The following CACNA2D3 variants were observed in gnomAD, a reference collection of about 807,000 sequenced individuals.
CACNA2D3 encodes calcium voltage-gated channel auxiliary subunit alpha2delta 3.
CACNA2D3 carries 60 observed loss-of-function variants against 160.6 expected under a neutral mutation model. The observed-to-expected ratio is 0.37, with a 90% CI of 0.30 to 0.46. CACNA2D3 has a LOEUF of 0.46. Ranked by LOEUF, CACNA2D3 falls within the 20% of genes least tolerant of loss-of-function variation. CACNA2D3 has a pLI of 1.00. For synonymous variants in CACNA2D3, 558 were observed against 492.9 expected, an observed-to-expected ratio of 1.13 and a Z score of -1.75; for missense variants, 1,205 against 1,365.0, an observed-to-expected ratio of 0.88 and a Z score of 1.85.
chr3:54,800,347 C>T (rs912471139), intron 13 of CACNA2D3, among the ~76,000 whole-genome samples: 2 of 152,246 alleles, frequency 1.3e-5, no homozygotes, highest in African/African-American at 4.8e-5. Context: ...AAATTTCCAT[C>T]TGGTTCTACC....
intron 9 of CACNA2D3, among the ~76,000 whole-genome samples, chr3:54,612,670 T>C (rs1698767501): frequency 6.6e-6 from 1 of 152,220 alleles, no homozygotes; most frequent in South Asian, 2.1e-4. Context: ...ATCTACTGCC[T>C]ACCAGGTCAA....
intron 35 of CACNA2D3, among the ~76,000 whole-genome samples, chr3:55,028,825 C>G (rs358055): frequency 6.6e-6 from 1 of 151,982 alleles, no homozygotes; most frequent in Non-Finnish European, 1.5e-5. Context: ...ATATTGCCGT[C>G]GGTTTCACTT....
chr3:54,129,260 G>T (rs1699659079), intron 2 of CACNA2D3, among the ~76,000 whole-genome samples: 1 of 152,178 alleles, frequency 6.6e-6, no homozygotes, highest in African/African-American at 2.4e-5. Context: ...TGTGTTTTAG[G>T]GGATTTCTGT....
intron 11 of CACNA2D3, among the ~76,000 whole-genome samples, chr3:54,713,668 A>C (rs1242829377): frequency 1.3e-5 from 2 of 152,224 alleles, no homozygotes; most frequent in East Asian, 3.9e-4. Flanking sequence ...AGTGCTTGGC[A>C]CAAGGAGGGC....
chr3:54,663,377 G>A (rs1007744892), intron 11 of CACNA2D3, among the ~76,000 whole-genome samples: 3 of 152,180 alleles, frequency 2.0e-5, no homozygotes, highest in Admixed American at 1.3e-4. Flanking sequence ...AGTGTGAGCC[G>A]AGGTGTCCAC....
intron 9 of CACNA2D3, among the ~76,000 whole-genome samples, chr3:54,602,624 G>T (rs1575374619): frequency 6.6e-6 from 1 of 151,888 alleles, no homozygotes; most frequent in Middle Eastern, 3.4e-3. Flanking sequence ...CACCCATGAA[G>T]CTAACCCTGG....
At chr3:54,921,841 A>G (rs922614641) in intron 27 of CACNA2D3, among the ~76,000 whole-genome samples, 12 of 152,324 alleles carry the variant, frequency 7.9e-5, no homozygotes, top group Admixed American at 7.2e-4. Context: ...ATATATAACT[A>G]AAGTCTGGGC....
intron 4 of CACNA2D3, among the ~76,000 whole-genome samples, chr3:54,433,743 A>G (rs552230606): frequency 6.6e-5 from 10 of 152,306 alleles, no homozygotes; most frequent in Admixed American, 6.5e-4. Context: ...AGAGTGCTCC[A>G]GAAGCCTGCC....
At chr3:54,603,043 C>T (rs1703093059) in intron 9 of CACNA2D3, among the ~76,000 whole-genome samples, 1 of 152,208 alleles carries the variant, frequency 6.6e-6, no homozygotes, top group South Asian at 2.1e-4. Flanking sequence ...TGGTCCCTCT[C>T]TGTTCGGTGT....
rs34139668 is a variant in CACNA2D3 at position 54,893,285 on chromosome 3, CTT to C, written c.2246+1845_2246+1846del. Among the ~76,000 whole-genome samples, 13 of 146,536 alleles carry C rather than the reference CTT, an allele frequency of 8.9e-5. No individual in the cohort carries two copies. The East Asian group carries it at 1.8e-3, about 20-fold the overall frequency. ...AGTGAGACTCTGTCTCAAAAAAACTCTTTTTTTTTTTATGGATGGAAAATTTC... is the reference window on the plus strand; with the variant it reads ...AGTGAGACTCTGTCTCAAAAAAACTCTTTTTTTTTATGGATGGAAAATTTC... On this transcript the variant is annotated intron_variant, in intron 25 of 37. Coordinates refer to ENST00000474759, the MANE Select transcript of CACNA2D3 (RefSeq NM_018398.3).
At chr3:54,938,072 C>A (rs1701374494) in intron 27 of CACNA2D3, among the ~76,000 whole-genome samples, 1 of 152,206 alleles carries the variant, frequency 6.6e-6, no homozygotes, top group Non-Finnish European at 1.5e-5. Context: ...TTTCTCAGAT[C>A]CTGAGCTTTG....
intron 2 of CACNA2D3, among the ~76,000 whole-genome samples, chr3:54,233,379 G>C (rs1701814958): frequency 6.6e-6 from 1 of 152,224 alleles, no homozygotes; most frequent in African/African-American, 2.4e-5. Flanking sequence ...AGGGTTACCA[G>C]TTAGGCAAGG....
intron 27 of CACNA2D3, among the ~76,000 whole-genome samples, chr3:54,959,828 ACAATTTGATGCTAGCTCCGG>A (rs1268663845): frequency 1.3e-5 from 2 of 152,190 alleles, no homozygotes; most frequent in East Asian, 3.9e-4. Context: ...TCTGACAAAA[ACAATTTGATGCTAGCTCCGG>A]CAGCCTGGGA....
At chr3:54,299,607 C>T (rs1038767316) in intron 2 of CACNA2D3, among the ~76,000 whole-genome samples, 1 of 152,064 alleles carries the variant, frequency 6.6e-6, no homozygotes, top group Non-Finnish European at 1.5e-5. Flanking sequence ...CGAGAGAGCC[C>T]ACGGAACACA....
intron 4 of CACNA2D3, among the ~76,000 whole-genome samples, chr3:54,462,517 T>C (rs1480008762): frequency 6.6e-6 from 1 of 152,188 alleles, no homozygotes; most frequent in East Asian, 1.9e-4. Flanking sequence ...TTGATCCCTT[T>C]ACCATTATGC....
chr3:54,155,054 A>G (rs1392294299), intron 2 of CACNA2D3, among the ~76,000 whole-genome samples: 11 of 152,254 alleles, frequency 7.2e-5, no homozygotes. Context: ...AAACAAAACA[A>G]GAGCATTAAA....
chr3:54,636,206 A>C (rs547935961), intron 10 of CACNA2D3, among the ~76,000 whole-genome samples: 1 of 151,940 alleles, frequency 6.6e-6, no homozygotes, highest in Non-Finnish European at 1.5e-5. Flanking sequence ...CTTTGCTGGT[A>C]TGTGGCGATT....
intron 11 of CACNA2D3, among the ~76,000 whole-genome samples, chr3:54,684,301 G>A (rs183759306): frequency 6.6e-6 from 1 of 152,194 alleles, no homozygotes; most frequent in East Asian, 1.9e-4. Flanking sequence ...CATTTGATCA[G>A]GGACCACCTA....
chr3:54,844,641 C>T (rs920723489), intron 16 of CACNA2D3, among the ~76,000 whole-genome samples: 26 of 152,152 alleles, frequency 1.7e-4, no homozygotes, highest in Admixed American at 1.6e-3. Flanking sequence ...ATGAAACTTA[C>T]ATTCTGGTAG....
Sources: gnomAD v4.1 joint callset for allele counts (sites outside exome capture counted in the v4.1 genomes callset) on GRCh38, gnomAD v4.1.1 for gene constraint, MANE v1.5 for transcripts, NCBI Gene and HGNC (gene_info 2026-07-23, HGNC 2026-07-21) for gene names.